Variants in OPA3 observed in about 807,000 individuals in gnomAD.
OPA3 encodes optic atrophy 3 protein.
In OPA3, 6 loss-of-function variants were observed where a neutral mutation model predicts 4.0. The observed-to-expected ratio is 1.51, with a 90% confidence interval of 0.83 to 2.99. The LOEUF (loss-of-function observed/expected upper bound fraction) is 2.99, where lower values mean the gene tolerates loss of function less well. Among genes scored for constraint, OPA3 ranks in the 30% most tolerant of loss-of-function variants. The pLI, the probability that OPA3 is intolerant of heterozygous loss-of-function variation, is 0.00. For missense variants in OPA3, 235 were observed against 256.2 expected (o/e 0.92, Z 0.56); for synonymous variants, 105 against 117.1 (o/e 0.90, Z 0.67).
intron 1 of OPA3, among the ~76,000 whole-genome samples, chr19:45,561,804 G>T (rs1969506942): frequency 6.6e-6 from 1 of 151,950 alleles, no homozygotes; most frequent in Admixed American, 6.6e-5. Context: ...AGCTGGGCGT[G>T]GTGGCAGGCA....
In OPA3 at chr19:45,553,155, G is replaced by A. The variant is rs1277348998; in HGVS notation, c.*359C>T. 4 of 1,255,374 alleles carry A rather than the reference G, an allele frequency of 3.2e-6. No individual in the cohort carries two copies. The East Asian group carries it at 1.7e-4, about 53-fold the overall frequency. The allele number at this position is 1,255,374 out of a possible 1,614,324, so 77.8% of individuals were successfully genotyped here. On this transcript the variant is annotated 3_prime_UTR_variant, in exon 2 of 2. Transcript: ENST00000263275. ...GAGTGTCCCAGTAAAGGTTAACACTGATCAGGTAAACCGGGGGTGGGGGTA... is the reference window on the plus strand; with the variant it reads ...GAGTGTCCCAGTAAAGGTTAACACTAATCAGGTAAACCGGGGGTGGGGGTA...
In OPA3 at chr19:45,549,272, C is replaced by A; in HGVS notation, c.*4242G>T. 1 of 985,408 alleles carries A rather than the reference C, an allele frequency of 1.0e-6. No homozygotes were observed. The highest frequency in any genetic ancestry group is 1.2e-6 in the Non-Finnish European group (1 of 829,954). The allele number at this position is 985,408 out of a possible 1,614,324, so 61.0% of individuals were successfully genotyped here. On this transcript the variant is annotated 3_prime_UTR_variant, in exon 2 of 2. Transcript: ENST00000263275. The stretch of plus-strand genomic sequence containing the variant: ...TCTGGCCTCTTGCATTTTGAGAGGA[C>A]GTTCTTTCCACTTCCACACACTCTG...
Position 45,551,621 on chromosome 19 carries a change from A to C in OPA3, c.*1893T>G. ...CTGGACTCCAGAACTGTGTGAATTA[A>C]ATTCCTGTTGGACTTAAGCCATCAA... On this transcript the variant is annotated 3_prime_UTR_variant, in exon 2 of 2. Transcript: ENST00000263275. 1 of 784,330 alleles carries C rather than the reference A, an allele frequency of 1.3e-6. No individual in the cohort carries two copies. The highest frequency in any genetic ancestry group is 1.9e-5 in the African/African-American group (1 of 53,350). 48.6% of individuals were successfully genotyped at this position (784,330 alleles called of 1,614,324 possible).
At chr19:45,563,849 C>T (rs1182009555) in intron 1 of OPA3, among the ~76,000 whole-genome samples, 3 of 150,728 alleles carry the variant, frequency 2.0e-5, no homozygotes, top group South Asian at 2.1e-4. Flanking sequence ...CCACCGCGCC[C>T]GGCCTTTTTT....
chr19:45,557,667 G>C (rs1969441618), intron 1 of OPA3, among the ~76,000 whole-genome samples: 1 of 152,124 alleles, frequency 6.6e-6, no homozygotes, highest in Admixed American at 6.6e-5. Flanking sequence ...CCCTTCTGCT[G>C]TCCTGGTCCA....
At position 45,548,460 on chromosome 19, in the gene OPA3, G is replaced by A; in HGVS notation, c.*5054C>T. On this transcript the variant is annotated 3_prime_UTR_variant, in exon 2 of 2. Coordinates refer to ENST00000263275, the MANE Select transcript of OPA3 (RefSeq NM_025136.4). ...TTATAGTCCTGAGTCACTCCAGAGG[G>A]AGGATTCCGGATTCAGCCCAGCCCC... The A allele has an allele frequency of 2.0e-6, 2 of 985,454 alleles. No homozygotes were observed. The highest frequency in any genetic ancestry group is 2.4e-6 in the Non-Finnish European group (2 of 829,946). 61.0% of individuals were successfully genotyped at this position (985,454 alleles called of 1,614,324 possible). A position where few individuals can be genotyped will look rare whatever the true frequency, so the allele number is the denominator to read the frequency against.
downstream of OPA3, among the ~76,000 whole-genome samples, chr19:45,541,345 A>G (rs1262843468): frequency 2.0e-5 from 3 of 152,118 alleles, no homozygotes; most frequent in African/African-American, 7.2e-5. Context: ...CCCATGCCAC[A>G]TAGCCATCCT....
At chr19:45,554,638 C>T (rs949230878) in intron 1 of OPA3, among the ~76,000 whole-genome samples, 2 of 152,222 alleles carry the variant, frequency 1.3e-5, no homozygotes, top group African/African-American at 2.4e-5. Flanking sequence ...GATGCTGCAT[C>T]CTGACTCACT....
intron 1 of OPA3, among the ~76,000 whole-genome samples, chr19:45,570,809 G>A (rs373754743): frequency 6.6e-6 from 1 of 150,822 alleles, no homozygotes; most frequent in African/African-American, 2.4e-5. Flanking sequence ...GTTGTAGCGA[G>A]CCGAGATTGT....
intron 1 of OPA3, among the ~76,000 whole-genome samples, chr19:45,536,024 C>T (rs1305640438): frequency 1.0e-4 from 15 of 150,140 alleles, no homozygotes; most frequent in African/African-American, 2.7e-4. Context: ...GTCAGGAGTT[C>T]GAGACCAGCC....
intron 1 of OPA3, among the ~76,000 whole-genome samples, chr19:45,529,737 T>A (rs1321041216): frequency 6.6e-6 from 1 of 152,176 alleles, no homozygotes; most frequent in Non-Finnish European, 1.5e-5. Flanking sequence ...TTTCTTTAAT[T>A]TTTCTTTTTT....
chr19:45,559,802 T>G (rs978326115), intron 1 of OPA3, among the ~76,000 whole-genome samples: 1 of 151,286 alleles, frequency 6.6e-6, no homozygotes, highest in Non-Finnish European at 1.5e-5. Context: ...ATAGGCTGGG[T>G]CAGACACATT....
At position 45,551,739 on chromosome 19, in the gene OPA3, GGGA is replaced by G; in HGVS notation, c.*1772_*1774del. The G allele has an allele frequency of 1.0e-6, 1 of 985,558 alleles. No individual in the cohort carries two copies. The highest frequency in any genetic ancestry group is 1.2e-6 in the Non-Finnish European group (1 of 830,014). 61.1% of individuals were successfully genotyped at this position (985,558 alleles called of 1,614,324 possible). A position where few individuals can be genotyped will look rare whatever the true frequency, so the allele number is the denominator to read the frequency against. ...CTGGCCTAATTGGTAGGATGGGGGT[GGGA>G]CCGGGGGCTATGGAGGCAGGAGGGT... On this transcript the variant is annotated 3_prime_UTR_variant, in exon 2 of 2. Transcript: ENST00000263275.
At chr19:45,568,172 A>AATTT (rs1969610950) in intron 1 of OPA3, among the ~76,000 whole-genome samples, 1 of 151,782 alleles carries the variant, frequency 6.6e-6, no homozygotes, top group South Asian at 2.1e-4. Context: ...CAATCCAGTC[A>AATTT]ATTTATTTAT....
downstream of OPA3, among the ~76,000 whole-genome samples, chr19:45,543,520 T>C (rs1815754435): frequency 6.6e-6 from 1 of 152,104 alleles, no homozygotes; most frequent in African/African-American, 2.4e-5. Flanking sequence ...TTTCACCACG[T>C]TGGTCAGGCT....
intron 1 of OPA3, among the ~76,000 whole-genome samples, chr19:45,557,907 GCATGATGCT>G (rs1459713837): frequency 6.6e-6 from 1 of 152,174 alleles, no homozygotes; most frequent in African/African-American, 2.4e-5. Flanking sequence ...CCAGGCACAC[GCATGATGCT>G]CATTAGATCT....
Position 45,548,712 on chromosome 19 carries a change from C to G in OPA3, c.*4802G>C, listed in dbSNP as rs945139207. 1.0e-6 allele frequency: 1 copy of G among 982,510 alleles called. No homozygotes were observed. Among genetic ancestry groups the G allele is most frequent in the African/African-American group, 1.8e-5 (1 of 56,832 alleles). 60.9% of individuals were successfully genotyped at this position (982,510 alleles called of 1,614,324 possible). ...CCTACCAAGGACACTGGGTCCATGT[C>G]CCGGTGCGGGACCACCTCAGTGAGT... On this transcript the variant is annotated 3_prime_UTR_variant, in exon 2 of 2. Coordinates refer to ENST00000263275, the MANE Select transcript of OPA3 (RefSeq NM_025136.4).
At chr19:45,537,410 A>AAAAAAAAAAAAAAAAG (rs1555730890) in intron 1 of OPA3, among the ~76,000 whole-genome samples, 19 of 120,060 alleles carry the variant, frequency 1.6e-4, no homozygotes, top group African/African-American at 2.6e-4. Flanking sequence ...AAAAAAAAAA[A>AAAAAAAAAAAAAAAAG]AAAAAAAAAA....
At chr19:45,535,795 C>T (rs1346115717) in intron 1 of OPA3, among the ~76,000 whole-genome samples, 6 of 131,932 alleles carry the variant, frequency 4.5e-5, no homozygotes, top group Non-Finnish European at 7.8e-5. Flanking sequence ...GTTGAGGTCT[C>T]ACCCTGTCAC....
Sources: gnomAD v4.1 joint callset for allele counts (sites outside exome capture counted in the v4.1 genomes callset) on GRCh38, gnomAD v4.1.1 for gene constraint, MANE v1.5 for transcripts, NCBI Gene and HGNC (gene_info 2026-07-23, HGNC 2026-07-21) for gene names.